SUSD4: variants seen among roughly 807,000 people sequenced by gnomAD.
SUSD4 encodes the protein sushi domain-containing protein 4.
Under a neutral mutation model 50.5 loss-of-function variants are expected in SUSD4, and 41 were observed. The observed-to-expected ratio is 0.81, with a 90% confidence interval of 0.63 to 1.05. The LOEUF is 1.05. SUSD4 is among the 50% of genes least tolerant of loss of function. SUSD4 has a pLI of 0.00. For missense variants in SUSD4, 580 were observed against 634.7 expected (o/e 0.91, Z 0.93); for synonymous variants, 257 against 257.3 (o/e 1.00, Z 0.01).
chr1:223,298,073 G>C (rs1338826774), intron 2 of SUSD4, among the ~76,000 whole-genome samples: 1 of 151,934 alleles, frequency 6.6e-6, no homozygotes, highest in African/African-American at 2.4e-5. Context: ...TAGATGAATG[G>C]CTGGCTGGAT....
intron 5 of SUSD4, among the ~76,000 whole-genome samples, chr1:223,246,049 G>T (rs1011076744): frequency 2.0e-5 from 3 of 152,094 alleles, no homozygotes; most frequent in Non-Finnish European, 4.4e-5. Context: ...CAGAACTCAG[G>T]AATCATGAGC....
At chr1:223,222,319 C>A in intron 8 of SUSD4, 99 bp from the exon 9 acceptor site, 2 of 1,284,896 alleles carry the variant, frequency 1.6e-6, no homozygotes, top group South Asian at 1.4e-5. Context: ...TTTCTCAAAT[C>A]AGTGAGGAGA....
chr1:223,240,425 A>T (rs894115960), intron 5 of SUSD4, among the ~76,000 whole-genome samples: 3 of 151,778 alleles, frequency 2.0e-5, no homozygotes, highest in Non-Finnish European at 4.4e-5. Flanking sequence ...TCTCCATTAC[A>T]CATATGTTTC....
At chr1:223,333,797 G>C (rs1218117616) in intron 2 of SUSD4, among the ~76,000 whole-genome samples, 1 of 152,146 alleles carries the variant, frequency 6.6e-6, no homozygotes, top group Non-Finnish European at 1.5e-5. Context: ...CTCTCTCCTG[G>C]CTGGGGCTTC....
chr1:223,263,498 C>T, intron 5 of SUSD4: 1 of 966,368 alleles, frequency 1.0e-6, no homozygotes. Flanking sequence ...AGGCTAGGCT[C>T]CAATTCCCTG....
chr1:223,338,039 G>A (rs954706054), intron 2 of SUSD4, among the ~76,000 whole-genome samples: 1 of 152,140 alleles, frequency 6.6e-6, no homozygotes, highest in Admixed American at 6.5e-5. Context: ...ATTTATCCAG[G>A]ACAGATCTGC....
intron 2 of SUSD4, among the ~76,000 whole-genome samples, chr1:223,355,326 G>C (rs950346883): frequency 6.6e-6 from 1 of 151,468 alleles, no homozygotes; most frequent in Non-Finnish European, 1.5e-5. Context: ...CACCTGCCTC[G>C]GTCTCCCAAA....
chr1:223,304,100 G>A (rs1000149781), intron 2 of SUSD4, among the ~76,000 whole-genome samples: 1 of 152,136 alleles, frequency 6.6e-6, no homozygotes, highest in Non-Finnish European at 1.5e-5. Flanking sequence ...GCGTTTATAG[G>A]CCTGTCTTAT....
chr1:223,307,454 G>GAGA, intron 2 of SUSD4, among the ~76,000 whole-genome samples: 1 of 152,184 alleles, frequency 6.6e-6, no homozygotes, highest in South Asian at 2.1e-4. Flanking sequence ...GTTGCTTTAT[G>GAGA]AAAATCCAAC....
At chr1:223,310,430 T>C (rs1005900680) in intron 2 of SUSD4, among the ~76,000 whole-genome samples, 11 of 152,288 alleles carry the variant, frequency 7.2e-5, no homozygotes, top group East Asian at 1.9e-4. Flanking sequence ...TCAGAAACCA[T>C]TGAAACTATG....
chr1:223,260,390 C>G (rs527517591), intron 5 of SUSD4, among the ~76,000 whole-genome samples: 74 of 152,306 alleles, frequency 4.9e-4, no homozygotes, highest in Admixed American at 1.2e-3. Context: ...ATGAGAAATT[C>G]CCCACATTTA....
intron 2 of SUSD4, among the ~76,000 whole-genome samples, chr1:223,305,531 T>G (rs1394947760): frequency 6.6e-6 from 1 of 152,210 alleles, no homozygotes; most frequent in African/African-American, 2.4e-5. Context: ...TTTAGTGCTA[T>G]GTCATTCCTT....
chr1:223,255,313 T>G (rs1356622498), intron 5 of SUSD4, among the ~76,000 whole-genome samples: 1 of 152,154 alleles, frequency 6.6e-6, no homozygotes, highest in Non-Finnish European at 1.5e-5. Flanking sequence ...GATTCCTAAT[T>G]AGGATTATAA....
intron 2 of SUSD4, among the ~76,000 whole-genome samples, chr1:223,355,809 A>G (rs572987759): frequency 2.6e-5 from 4 of 152,234 alleles, no homozygotes; most frequent in African/African-American, 7.2e-5. Context: ...TGAAAACTCA[A>G]TGGATTGGGA....
intron 3 of SUSD4, among the ~76,000 whole-genome samples, chr1:223,276,483 G>A (rs772181739): frequency 1.1e-4 from 16 of 152,336 alleles, no homozygotes; most frequent in Non-Finnish European, 1.8e-4. Flanking sequence ...GTCTGTGGTG[G>A]TCCACCTGTC....
At chr1:223,275,709 A>C (rs61837636) in intron 3 of SUSD4, among the ~76,000 whole-genome samples, 58,615 of 150,864 alleles carry the variant, frequency 0.39, 11,614 homozygotes, top group Non-Finnish European at 0.42. Context: ...TATGGCTCCC[A>C]GCCCCCGCCC....
intron 3 of SUSD4, among the ~76,000 whole-genome samples, chr1:223,282,566 A>G (rs1297541411): frequency 6.6e-6 from 1 of 152,190 alleles, no homozygotes; most frequent in East Asian, 1.9e-4. Context: ...AGAACTACAA[A>G]CCACTGCTCA....
At chr1:223,269,432 T>C (rs1202403332) in intron 3 of SUSD4, among the ~76,000 whole-genome samples, 1 of 152,112 alleles carries the variant, frequency 6.6e-6, no homozygotes, top group Non-Finnish European at 1.5e-5. Flanking sequence ...TCAAATAAAA[T>C]GAACAAGTGA....
Position 223,292,507 on chromosome 1 carries a change from A to C in SUSD4, c.293T>G (p.Leu98Arg), listed in dbSNP as rs529602309. Residue 98 changes from leucine to arginine, a missense_variant, in exon 3 of 9, where the codon CTG (leucine) becomes CGG (arginine). By Grantham distance (102) the Leu-to-Arg change is moderately radical. Coordinates refer to ENST00000366878, the MANE Select transcript of SUSD4 (RefSeq NM_017982.4). ...GFKLKGATKRLCLKHFNGTLG... is the reference protein window; with the variant it reads ...GFKLKGATKRRCLKHFNGTLG... The stretch of plus-strand genomic sequence containing the variant: ...GGTTCCATTAAAATGCTTCAAACAC[A>C]GTCTCTTTGTAGCGCCCTTCAGCTT... The C allele has an allele frequency of 1.2e-6, 2 of 1,614,074 alleles. No individual in the cohort carries two copies. The highest frequency in any genetic ancestry group is 1.7e-6 in the Non-Finnish European group (2 of 1,180,034).
Sources: gnomAD v4.1 joint callset for allele counts (sites outside exome capture counted in the v4.1 genomes callset) on GRCh38, gnomAD v4.1.1 for gene constraint, MANE v1.5 for transcripts, NCBI Gene and HGNC (gene_info 2026-07-23, HGNC 2026-07-21) for gene names.